CSMD3: variants seen among roughly 807,000 people sequenced by gnomAD.
CSMD3 encodes the protein CUB and Sushi multiple domains 3.
CSMD3 carries 177 observed loss-of-function variants against 435.2 expected under a neutral mutation model. That is an observed-to-expected ratio of 0.41 (90% CI 0.36 to 0.46). The LOEUF (loss-of-function observed/expected upper bound fraction) is 0.46. Among genes scored for constraint, CSMD3 ranks in the 20% least tolerant of loss-of-function variants. CSMD3 has a pLI of 0.34. For missense variants in CSMD3, 4,265 were observed against 4,504.6 expected (o/e 0.95, Z 1.52); for synonymous variants, 1,656 against 1,520.5 (o/e 1.09, Z -2.07).
intron 11 of CSMD3, among the ~76,000 whole-genome samples, chr8:112,835,758 G>A (rs2080004840): frequency 6.6e-6 from 1 of 151,872 alleles, no homozygotes; most frequent in Admixed American, 6.6e-5. Flanking sequence ...TGAAATTCTA[G>A]AGCACAGCAG....
intron 3 of CSMD3, among the ~76,000 whole-genome samples, chr8:113,257,014 G>C (rs1002944038): frequency 3.3e-5 from 5 of 152,184 alleles, no homozygotes; most frequent in African/African-American, 1.2e-4. Flanking sequence ...AGAGGAAGGA[G>C]TGCAGGGTGT....
intron 70 of CSMD3, among the ~76,000 whole-genome samples, chr8:112,228,043 A>T (rs1313458892): frequency 6.6e-6 from 1 of 152,106 alleles, no homozygotes; most frequent in Non-Finnish European, 1.5e-5. Context: ...CTCCGTCTCA[A>T]AAAATATATA....
intron 27 of CSMD3, among the ~76,000 whole-genome samples, chr8:112,535,297 T>C (rs1825959151): frequency 6.6e-6 from 1 of 152,140 alleles, no homozygotes; most frequent in Non-Finnish European, 1.5e-5. Context: ...CAAATCTCCT[T>C]AAGCTGATAA....
rs147740361 is a variant in CSMD3, at chr8:112,335,359, T to C, written c.7135A>G (p.Thr2379Ala). ...TAACTGAGCACAAAAAAGCCACTTG[T>C]TGTGAAATCACTGTGGAATTTGATT... ...ILIKFHSDFT[T>A]SGFFVLSYHA... Residue 2379 changes from threonine (T) to alanine (A), a missense_variant, in exon 45 of 71, where the codon ACA becomes GCA. Thr to Ala is a moderately conservative substitution (Grantham distance 58). Coordinates refer to ENST00000297405, the MANE Select transcript of CSMD3 (RefSeq NM_198123.2). The C allele has an allele frequency of 1.2e-6, 2 of 1,614,028 alleles. No individual in the cohort carries two copies. Among genetic ancestry groups the C allele is most frequent in the Middle Eastern group, 1.7e-4 (1 of 6,058 alleles).
chr8:113,434,462 A>G (rs987131045), intron 1 of CSMD3, among the ~76,000 whole-genome samples: 2 of 152,200 alleles, frequency 1.3e-5, no homozygotes, highest in African/African-American at 2.4e-5. Flanking sequence ...GTAAAAAGCA[A>G]CTATCAAAAT....
chr8:112,979,746 T>G (rs1390981296), intron 6 of CSMD3, among the ~76,000 whole-genome samples: 2 of 151,418 alleles, frequency 1.3e-5, no homozygotes, highest in African/African-American at 4.8e-5. Context: ...TTCAGAAAAC[T>G]TTCTTCATTT....
chr8:112,319,648 TAC>T (rs1293788562), intron 46 of CSMD3, among the ~76,000 whole-genome samples: 6 of 152,170 alleles, frequency 3.9e-5, no homozygotes, highest in African/African-American at 1.4e-4. Flanking sequence ...ACCATCAGAA[TAC>T]AGTTAACGGC....
intron 14 of CSMD3, among the ~76,000 whole-genome samples, chr8:112,687,475 T>G (rs2076038123): frequency 6.6e-6 from 1 of 152,196 alleles, no homozygotes; most frequent in Non-Finnish European, 1.5e-5. Flanking sequence ...ATTAAAATAA[T>G]TGTTCGCATT....
At chr8:113,403,840 G>A (rs2094520961) in intron 1 of CSMD3, among the ~76,000 whole-genome samples, 2 of 151,380 alleles carry the variant, frequency 1.3e-5, no homozygotes, top group African/African-American at 2.4e-5. Flanking sequence ...CATTGGCTTC[G>A]ATACAGAGAT....
At chr8:112,357,454 A>G (rs1826728603) in intron 38 of CSMD3, among the ~76,000 whole-genome samples, 1 of 152,118 alleles carries the variant, frequency 6.6e-6, no homozygotes. Context: ...CCATTTTCTG[A>G]GGAGAAATTC....
chr8:113,376,722 G>A, intron 1 of CSMD3: 4 of 1,613,908 alleles, frequency 2.5e-6, no homozygotes, highest in Non-Finnish European at 3.4e-6. Flanking sequence ...AGGAGCCTAA[G>A]AGCCAGGATA....
intron 4 of CSMD3, among the ~76,000 whole-genome samples, chr8:113,104,084 T>G (rs564705760): frequency 1.4e-4 from 21 of 152,182 alleles, no homozygotes; most frequent in African/African-American, 5.1e-4. Context: ...ACACATCTTT[T>G]CCAATACTGA....
intron 10 of CSMD3, among the ~76,000 whole-genome samples, chr8:112,903,151 C>CAA (rs763330055): frequency 0.16 from 8,381 of 53,684 alleles, 1,058 homozygotes; most frequent in Middle Eastern, 0.2. Flanking sequence ...GCAGTCTTGG[C>CAA]AAAAAAAAAA....
chr8:113,329,882 A>G (rs1349213999), intron 1 of CSMD3, among the ~76,000 whole-genome samples: 1 of 152,152 alleles, frequency 6.6e-6, no homozygotes, highest in Non-Finnish European at 1.5e-5. Flanking sequence ...ATGACATTTG[A>G]AAAAAATAAA....
chr8:112,621,008 G>A (rs1201886892), intron 22 of CSMD3, among the ~76,000 whole-genome samples: 1 of 152,082 alleles, frequency 6.6e-6, no homozygotes, highest in Admixed American at 6.6e-5. Flanking sequence ...AGGCCGAGGT[G>A]GGCGGATCAC....
At chr8:113,020,148 C>T (rs374333964) in intron 5 of CSMD3, among the ~76,000 whole-genome samples, 1 of 117,148 alleles carries the variant, frequency 8.5e-6, no homozygotes, top group African/African-American at 3.5e-5. Context: ...CCGGCCTGGG[C>T]GACAGAGCGA....
intron 42 of CSMD3, 21 bp from the exon 43 acceptor site, chr8:112,337,752 G>A (rs539087409): frequency 1.3e-5 from 21 of 1,596,486 alleles, no homozygotes; most frequent in East Asian, 9.0e-5. Flanking sequence ...GAAAAAGAAA[G>A]ACATTTTTTC....
chr8:113,284,060 A>T (rs915790162), intron 2 of CSMD3, among the ~76,000 whole-genome samples: 8 of 152,138 alleles, frequency 5.3e-5, no homozygotes, highest in Admixed American at 1.3e-4. Flanking sequence ...CTTAAGAATG[A>T]CACAATGAAC....
intron 13 of CSMD3, among the ~76,000 whole-genome samples, chr8:112,758,350 T>TC (rs1554672492): frequency 0.46 from 49,462 of 108,676 alleles, 8,914 homozygotes; most frequent in African/African-American, 0.59. Context: ...AGACTCCATT[T>TC]CAAAAAAAAA....
Sources: gnomAD v4.1 joint callset for allele counts (sites outside exome capture counted in the v4.1 genomes callset) on GRCh38, gnomAD v4.1.1 for gene constraint, MANE v1.5 for transcripts, NCBI Gene and HGNC (gene_info 2026-07-23, HGNC 2026-07-21) for gene names.